LIN9: variants seen among roughly 807,000 people sequenced by gnomAD.
LIN9 encodes lin-9 DREAM MuvB core complex component.
LIN9 carries 18 observed loss-of-function variants against 78.0 expected under a neutral mutation model. The ratio of observed to expected loss-of-function variants is 0.23; its 90% CI spans 0.16 to 0.34. The LOEUF is 0.34. Among genes scored for constraint, LIN9 ranks in the 10% least tolerant of loss-of-function variants. The pLI is 1.00. For missense variants in LIN9, 451 were observed against 644.1 expected, an observed-to-expected ratio of 0.70 and a Z score of 3.25; for synonymous variants, 192 against 215.2, an observed-to-expected ratio of 0.89 and a Z score of 0.94.
chr1:226,297,074 G>A (rs557004869), intron 3 of LIN9, among the ~76,000 whole-genome samples: 1 of 152,194 alleles, frequency 6.6e-6, no homozygotes, highest in Admixed American at 6.6e-5. Context: ...ATTCTACACT[G>A]CCCCCCTTCC....
intron 6 of LIN9, among the ~76,000 whole-genome samples, chr1:226,284,922 A>G (rs1473469959): frequency 6.6e-6 from 1 of 152,074 alleles, no homozygotes; most frequent in Non-Finnish European, 1.5e-5. Context: ...TTCCAAGTGG[A>G]TGGAGTTTCA....
chr1:226,239,339 A>C (rs1657949449), intron 11 of LIN9, among the ~76,000 whole-genome samples: 1 of 152,196 alleles, frequency 6.6e-6, no homozygotes, highest in Non-Finnish European at 1.5e-5. Context: ...TATAGAGATA[A>C]ATTAAATGGA....
In LIN9 at chr1:226,266,150, TAAG is replaced by T. The variant is rs1444747892; in HGVS notation, c.936+60_936+62del. On this transcript the variant is annotated intron_variant, in intron 9 of 14. Coordinates refer to ENST00000681046, the MANE Select transcript of LIN9 (RefSeq NM_001366245.2). The stretch of plus-strand genomic sequence containing the variant: ...GTTGCTGTAATAGATGTGTATTTCT[TAAG>T]AACATAGTTCACCTTCATAAAAATC... The T allele has an allele frequency of 4.1e-6, 5 of 1,208,562 alleles. No homozygotes were observed. The Admixed American group carries it at 1.1e-4, about 26-fold the overall frequency. The allele number at this position is 1,208,562 out of a possible 1,614,324, so 74.9% of individuals were successfully genotyped here. A position where few individuals can be genotyped will look rare whatever the true frequency, so the allele number is the denominator to read the frequency against.
At chr1:226,247,465 C>T (rs1000994383) in intron 11 of LIN9, among the ~76,000 whole-genome samples, 2 of 152,228 alleles carry the variant, frequency 1.3e-5, no homozygotes, top group East Asian at 3.9e-4. Flanking sequence ...GCCAACTTCT[C>T]CCAACCCTTG....
chr1:226,268,211 C>G, intron 7 of LIN9, 121 bp from the exon 8 acceptor site: 1 of 828,840 alleles, frequency 1.2e-6, no homozygotes, highest in Non-Finnish European at 1.7e-6. Flanking sequence ...AGTTTCAAAA[C>G]AAGCACACAC....
At chr1:226,295,307 G>A (rs1007011503) in intron 4 of LIN9, among the ~76,000 whole-genome samples, 1 of 151,814 alleles carries the variant, frequency 6.6e-6, no homozygotes, top group African/African-American at 2.4e-5. Flanking sequence ...AAATCAGCTG[G>A]GCGTGGTGGT....
At chr1:226,251,055 T>A in intron 10 of LIN9, 136 bp from the exon 11 acceptor site, 1 of 504,366 alleles carries the variant, frequency 2.0e-6, no homozygotes, top group Non-Finnish European at 3.5e-6. Context: ...TAGCATAGCA[T>A]TGTTTTGGTT....
rs546762616 is a variant in LIN9, at chr1:226,272,347, T to C, written c.683-4257A>G. On this transcript the variant is annotated intron_variant, in intron 7 of 14. Transcript: ENST00000681046. ...CTGGGATTACAGGCATGAGCCACCA[T>C]GCCCAGCCAATCATTACTTTTTAAT... Among the ~76,000 whole-genome samples the C allele has an allele frequency of 1.3e-4, 19 of 151,694 alleles. No individual in the cohort carries two copies. In the East Asian group the frequency reaches 2.7e-3, roughly 22 times the overall value.
chr1:226,291,613 A>G (rs1661799451), intron 4 of LIN9, among the ~76,000 whole-genome samples: 1 of 152,098 alleles, frequency 6.6e-6, no homozygotes, highest in Non-Finnish European at 1.5e-5. Flanking sequence ...CAAAATTTTA[A>G]AATTTTTATT....
intron 11 of LIN9, among the ~76,000 whole-genome samples, chr1:226,239,477 C>T (rs1053697244): frequency 5.9e-5 from 9 of 152,248 alleles, no homozygotes; most frequent in Non-Finnish European, 4.4e-5. Flanking sequence ...AATCAATTGA[C>T]GCTGTACCTG....
chr1:226,262,826 C>T (rs1188970639), intron 10 of LIN9, among the ~76,000 whole-genome samples: 1 of 152,188 alleles, frequency 6.6e-6, no homozygotes, highest in Non-Finnish European at 1.5e-5. Flanking sequence ...CACACAAAAA[C>T]CTGCACACAG....
chr1:226,245,423 T>C (rs1658408636), intron 11 of LIN9, among the ~76,000 whole-genome samples: 1 of 69,208 alleles, frequency 1.4e-5, no homozygotes, highest in Non-Finnish European at 2.9e-5. Flanking sequence ...CATACTTGTC[T>C]TTTTTCCCCC....
intron 7 of LIN9, among the ~76,000 whole-genome samples, chr1:226,270,033 C>T (rs1322061022): frequency 6.6e-6 from 1 of 152,096 alleles, no homozygotes; most frequent in Non-Finnish European, 1.5e-5. Flanking sequence ...AGTGATTCTC[C>T]TGCCTCAGCC....
Position 226,286,379 on chromosome 1 carries a change from T to C in LIN9, c.478A>G (p.Arg160Gly). Residue 160 changes from arginine to glycine, a missense_variant, in exon 6 of 15, where the codon AGA becomes GGA. By Grantham distance (125) the Arg-to-Gly change is moderately radical. Transcript: ENST00000681046. ...FPNLKTRKLT[R>G]VEWGKIRRLM... ...CGCCGAATTTTTCCCCATTCTACTC[T>C]TGTTAACTTTCTTGTTTTCAAATTA... 1.2e-6 allele frequency: 2 copies of C among 1,612,868 alleles called. No individual in the cohort carries two copies. Among genetic ancestry groups the C allele is most frequent in the Non-Finnish European group, 1.7e-6 (2 of 1,179,600 alleles).
intron 10 of LIN9, among the ~76,000 whole-genome samples, chr1:226,253,343 C>T (rs1576295069): frequency 2.0e-5 from 3 of 151,274 alleles, no homozygotes; most frequent in African/African-American, 4.8e-5. Flanking sequence ...CTTGCTCTGT[C>T]GCCCAGGCTA....
Position 226,232,003 on chromosome 1 carries a change from A to G in LIN9, c.*498T>C. ...ATATTTCAGTGGTTTCCTTAAAACT[A>G]GGACTTCCCACACCTCATGATGTTA... On this transcript the variant is annotated 3_prime_UTR_variant, in exon 15 of 15. Coordinates refer to ENST00000681046, the MANE Select transcript of LIN9 (RefSeq NM_001366245.2). 2.5e-6 allele frequency: 1 copy of G among 397,622 alleles called. No homozygotes were observed. Among genetic ancestry groups the G allele is most frequent in the Non-Finnish European group, 4.4e-6 (1 of 225,414 alleles). The allele number at this position is 397,622 out of a possible 1,614,324, so 24.6% of individuals were successfully genotyped here.
chr1:226,240,389 T>A (rs1335728024), intron 11 of LIN9, among the ~76,000 whole-genome samples: 1 of 147,202 alleles, frequency 6.8e-6, no homozygotes, highest in Non-Finnish European at 1.5e-5. Flanking sequence ...GTTCTAAGTT[T>A]TTTTTTTTTT....
intron 10 of LIN9, among the ~76,000 whole-genome samples, chr1:226,253,127 G>A (rs550435590): frequency 4.0e-4 from 61 of 151,932 alleles, no homozygotes; most frequent in African/African-American, 1.4e-3. Flanking sequence ...GCCAAGTGTG[G>A]TGGCGCCCAC....
rs751006193 is a variant in LIN9 at position 226,287,763 on chromosome 1, T to G, written c.299A>C (p.Lys100Thr). Residue 100 changes from lysine (K) to threonine (T), a missense_variant, in exon 5 of 15, where the codon AAA becomes ACA. Coordinates refer to ENST00000681046, the MANE Select transcript of LIN9 (RefSeq NM_001366245.2). The part of the protein sequence containing the change: ...FTATMSTPDK[K>T]ASQKIGFRLR... ...TCGAAAACCAATCTTCTGTGAAGCT[T>G]TCTTATCTGGTGTTGACATTGTTGC... 6.4e-7 allele frequency: 1 copy of G among 1,553,788 alleles called. No individual in the cohort carries two copies. Among genetic ancestry groups the G allele is most frequent in the East Asian group, 2.4e-5 (1 of 41,238 alleles).
Sources: gnomAD v4.1 joint callset for allele counts (sites outside exome capture counted in the v4.1 genomes callset) on GRCh38, gnomAD v4.1.1 for gene constraint, MANE v1.5 for transcripts, NCBI Gene and HGNC (gene_info 2026-07-23, HGNC 2026-07-21) for gene names.